CEP128: variants seen among roughly 807,000 people sequenced by gnomAD.
CEP128 encodes the protein centrosomal protein 128.
Under a neutral mutation model 156.7 loss-of-function variants are expected in CEP128, and 132 were observed. The observed-to-expected ratio is 0.84, with a 90% CI of 0.73 to 0.97. CEP128 has a LOEUF of 0.97. CEP128 is among the 50% of genes least tolerant of loss of function. The probability of loss-of-function intolerance (pLI) is 0.00; values close to 1 mark genes in which losing one functional copy is unlikely to be tolerated. For synonymous variants in CEP128, 469 were observed against 448.9 expected (o/e 1.04, Z -0.57); for missense variants, 1,252 against 1,281.9 (o/e 0.98, Z 0.36).
Position 80,801,863 on chromosome 14 carries a change from G to A in CEP128, c.1210-8753C>T, listed in dbSNP as rs577224589. Among the ~76,000 whole-genome samples, 4 of 126,030 alleles carry A rather than the reference G, an allele frequency of 3.2e-5. No individual in the cohort carries two copies. The East Asian group carries it at 1.1e-3, about 34-fold the overall frequency. 82.7% of individuals were successfully genotyped at this position (126,030 alleles called of 152,430 possible). On this transcript the variant is annotated intron_variant, in intron 13 of 24. Coordinates refer to ENST00000555265, the MANE Select transcript of CEP128 (RefSeq NM_152446.5). ...GCGGAGGTTGCAGTAAGCCGAGATT[G>A]TGCCACTGCACTCTAGCCTGGGTGA...
At chr14:80,730,185 A>T (rs1199468911) in intron 19 of CEP128, among the ~76,000 whole-genome samples, 2 of 152,214 alleles carry the variant, frequency 1.3e-5, no homozygotes, top group Non-Finnish European at 2.9e-5. Flanking sequence ...TTGGCATTTC[A>T]TTGCAACGAA....
intron 22 of CEP128, chr14:80,527,205 G>A: frequency 1.8e-6 from 1 of 545,826 alleles, no homozygotes; most frequent in Non-Finnish European, 3.4e-6. Context: ...AAGGTGGGAG[G>A]ATAGCTCTAG....
intron 21 of CEP128, among the ~76,000 whole-genome samples, chr14:80,537,817 G>A (rs998972832): frequency 5.7e-4 from 87 of 152,260 alleles, no homozygotes; most frequent in African/African-American, 1.9e-3. Context: ...TCCCAAACAC[G>A]TGTAACCAGC....
chr14:80,929,563 T>C (rs894772261), intron 2 of CEP128, among the ~76,000 whole-genome samples: 16 of 152,184 alleles, frequency 1.1e-4, no homozygotes, highest in African/African-American at 3.6e-4. Flanking sequence ...AAATAATGTA[T>C]TTTGCAGCAA....
At chr14:80,613,484 T>G (rs12885795) in intron 19 of CEP128, among the ~76,000 whole-genome samples, 1 of 149,174 alleles carries the variant, frequency 6.7e-6, no homozygotes, top group Non-Finnish European at 1.5e-5. Flanking sequence ...TTTTTTTTTG[T>G]ATTTATGGTA....
chr14:80,955,312 C>A, intron 2 of CEP128: 1 of 405,104 alleles, frequency 2.5e-6, no homozygotes, highest in East Asian at 4.6e-5. Flanking sequence ...GGCATCTAAA[C>A]TAGGCTTTGG....
intron 15 of CEP128, among the ~76,000 whole-genome samples, chr14:80,783,290 C>T (rs917491366): frequency 4.6e-5 from 7 of 152,146 alleles, no homozygotes; most frequent in African/African-American, 1.7e-4. Context: ...CCTACCTGTC[C>T]TTGAGTCTAA....
At chr14:80,836,974 G>C (rs1327211249) in intron 11 of CEP128, among the ~76,000 whole-genome samples, 8 of 152,192 alleles carry the variant, frequency 5.3e-5, no homozygotes, top group Non-Finnish European at 1.0e-4. Context: ...TGAAACTGGA[G>C]ATTATAAGTT....
chr14:80,916,672 A>G, intron 2 of CEP128, 110 bp from the exon 3 acceptor site: 1 of 802,102 alleles, frequency 1.2e-6, no homozygotes. Flanking sequence ...TACATTAGTA[A>G]TTTTGCACAC....
At chr14:80,603,257 C>G (rs1238384508) in intron 19 of CEP128, among the ~76,000 whole-genome samples, 1 of 152,088 alleles carries the variant, frequency 6.6e-6, no homozygotes, top group African/African-American at 2.4e-5. Flanking sequence ...TATTTCCATA[C>G]TATATTGTAT....
chr14:80,920,735 G>A (rs1215862527), intron 2 of CEP128, among the ~76,000 whole-genome samples: 5 of 152,060 alleles, frequency 3.3e-5, no homozygotes, highest in South Asian at 4.1e-4. Flanking sequence ...ACAATAAGAC[G>A]CTTTTCTAGA....
At chr14:80,757,703 C>T (rs1393017033) in intron 17 of CEP128, among the ~76,000 whole-genome samples, 1 of 152,110 alleles carries the variant, frequency 6.6e-6, no homozygotes, top group Non-Finnish European at 1.5e-5. Context: ...TTAAAAATAT[C>T]CTCTCTCTCT....
rs533538115 is a variant in CEP128 at position 80,520,989 on chromosome 14, ATTTTTTTTTT to A, written c.3072+5870_3072+5879del. Reference sequence around the variant, plus strand: ...AGGCACCCGCCACCACGCCCAGCTAATTTTTTTTTTTTTTTTTTTTTTTTTGTAATTTTCG... The same window carrying A: ...AGGCACCCGCCACCACGCCCAGCTAATTTTTTTTTTTTTTTGTAATTTTCG... On this transcript the variant is annotated intron_variant, in intron 23 of 24. Coordinates refer to ENST00000555265, the MANE Select transcript of CEP128 (RefSeq NM_152446.5). Among the ~76,000 whole-genome samples, 6 of 114,586 alleles carry A rather than the reference ATTTTTTTTTT, an allele frequency of 5.2e-5. No homozygotes were observed. The Admixed American group carries it at 5.4e-4, about 10-fold the overall frequency. The allele number at this position is 114,586 out of a possible 152,430, so 75.2% of individuals were successfully genotyped here. A position where few individuals can be genotyped will look rare whatever the true frequency, so the allele number is the denominator to read the frequency against.
intron 8 of CEP128, among the ~76,000 whole-genome samples, chr14:80,864,760 T>C (rs1008358464): frequency 2.0e-5 from 3 of 152,166 alleles, no homozygotes; most frequent in African/African-American, 7.2e-5. Context: ...TTTCACCATG[T>C]CGGCCAGGAT....
chr14:80,720,560 T>C (rs548955301), intron 19 of CEP128, among the ~76,000 whole-genome samples: 4 of 152,280 alleles, frequency 2.6e-5, no homozygotes, highest in South Asian at 4.1e-4. Flanking sequence ...GGAATAAAAA[T>C]ATCCACATCA....
intron 19 of CEP128, among the ~76,000 whole-genome samples, chr14:80,679,268 G>A (rs1489785876): frequency 6.6e-6 from 1 of 152,200 alleles, no homozygotes; most frequent in Admixed American, 6.5e-5. Context: ...AGGTCTGACT[G>A]CCTGCGGGGT....
chr14:80,897,167 C>T (rs569436796), intron 7 of CEP128, among the ~76,000 whole-genome samples: 1 of 152,322 alleles, frequency 6.6e-6, no homozygotes, highest in South Asian at 2.1e-4. Flanking sequence ...CTGCAAGAAC[C>T]TGACACAACA....
intron 23 of CEP128, among the ~76,000 whole-genome samples, chr14:80,505,833 C>G (rs1168106314): frequency 6.6e-6 from 1 of 151,854 alleles, no homozygotes; most frequent in Non-Finnish European, 1.5e-5. Flanking sequence ...GGTTTTTTTC[C>G]TTCTTTCACT....
intron 2 of CEP128, among the ~76,000 whole-genome samples, chr14:80,937,713 T>C (rs1838828424): frequency 6.6e-6 from 1 of 152,168 alleles, no homozygotes. Context: ...TATGAATGTA[T>C]TGTAACTACT....
Sources: allele counts gnomAD v4.1 joint callset (sites outside exome capture counted in the v4.1 genomes callset), GRCh38; gene constraint gnomAD v4.1.1; transcripts MANE v1.5; gene names NCBI Gene and HGNC (gene_info 2026-07-23, HGNC 2026-07-21).